The following ABI2 variants were observed in gnomAD, a reference collection of about 807,000 sequenced individuals.
ABI2 encodes abelson interactor 2.
In ABI2, 25 loss-of-function variants were observed where a neutral mutation model predicts 59.2. The observed-to-expected ratio is 0.42, with a 90% confidence interval of 0.31 to 0.59. The LOEUF (loss-of-function observed/expected upper bound fraction) is 0.59, where lower values mean the gene tolerates loss of function less well. Among genes scored for constraint, ABI2 ranks in the 20% least tolerant of loss-of-function variants. The pLI is 0.14. For missense variants in ABI2, 545 were observed against 681.8 expected, an observed-to-expected ratio of 0.80 and a Z score of 2.23; for synonymous variants, 213 against 235.5, an observed-to-expected ratio of 0.90 and a Z score of 0.87.
chr2:203,427,181 G>A lies in ABI2; in HGVS notation c.1458G>A (p.Val486=). ...WAPRSYLEKV[V]AIYDYTKDKE... is the part of the protein sequence containing the mutation. ...TTTTGTTTTCTTCCCTCCTAGTTGT[G>A]GCAATTTATGACTATACAAAAGACA... The change falls in exon 12 of 12, where the codon GTG becomes GTA. Residue 486 remains valine (V), a synonymous_variant. Coordinates refer to ENST00000261018, the MANE Select transcript of ABI2 (RefSeq NM_001375670.1). The A allele has an allele frequency of 6.2e-7, 1 of 1,612,978 alleles. No homozygotes were observed. Among genetic ancestry groups the A allele is most frequent in the Non-Finnish European group, 8.5e-7 (1 of 1,179,420 alleles).
intron 4 of ABI2, among the ~76,000 whole-genome samples, chr2:203,388,542 G>GC (rs2096621230): frequency 6.6e-6 from 1 of 152,014 alleles, no homozygotes; most frequent in Non-Finnish European, 1.5e-5. Flanking sequence ...AAGTAGCTGG[G>GC]CGTGGTGGTG....
At chr2:203,383,316 G>A (rs963611999) in intron 4 of ABI2, 1 of 154,780 alleles carries the variant, frequency 6.5e-6, no homozygotes, top group Non-Finnish European at 1.5e-5. Context: ...CAAATCCTCA[G>A]TCATGGTGAG....
intron 11 of ABI2, among the ~76,000 whole-genome samples, chr2:203,426,079 C>T (rs1387742520): frequency 6.6e-6 from 1 of 150,500 alleles, no homozygotes; most frequent in African/African-American, 2.4e-5. Context: ...AAAATATTCA[C>T]AATTTAAGGA....
chr2:203,429,306 A>G lies in ABI2; in HGVS notation c.*1954A>G, dbSNP rs2098464362. The G allele has an allele frequency of 1.3e-5, 2 of 152,230 alleles. No individual in the cohort carries two copies. Among genetic ancestry groups the G allele is most frequent in the Non-Finnish European group, 2.9e-5 (2 of 68,050 alleles). 9.4% of individuals were successfully genotyped at this position (152,230 alleles called of 1,614,324 possible). The stretch of plus-strand genomic sequence containing the variant: ...AGCCTTCAGCTCCATTATGGACCCA[A>G]ACTAGACTATACTTGGATAAGTTAA... On this transcript the variant is annotated 3_prime_UTR_variant, in exon 12 of 12. Coordinates refer to ENST00000261018, the MANE Select transcript of ABI2 (RefSeq NM_001375670.1).
Position 203,392,305 on chromosome 2 carries a change from CCACCACCACCAACAACAA to C in ABI2, c.578+1165_578+1182del, listed in dbSNP as rs1345258128. On this transcript the variant is annotated intron_variant, in intron 5 of 11. Coordinates refer to ENST00000261018, the MANE Select transcript of ABI2 (RefSeq NM_001375670.1). ...ACCACCACCACCACCACCACCACCA[CCACCACCACCAACAACAA>C]CAACAACAACAACAACAACAAAACA... Among the ~76,000 whole-genome samples, 37 of 97,892 alleles carry C rather than the reference CCACCACCACCAACAACAA, an allele frequency of 3.8e-4. 1 individual carries two copies. Among genetic ancestry groups the C allele is most frequent in the Non-Finnish European group, 5.9e-4 (26 of 44,308 alleles). 64.2% of individuals were successfully genotyped at this position (97,892 alleles called of 152,430 possible).
Position 203,402,666 on chromosome 2 carries a change from C to T in ABI2, c.1124C>T (p.Pro375Leu). 2 of 1,606,350 alleles carry T rather than the reference C, an allele frequency of 1.2e-6. No homozygotes were observed. The highest frequency in any genetic ancestry group is 1.1e-5 in the South Asian group (1 of 88,976). The stretch of plus-strand genomic sequence containing the variant: ...GGCTCGTTGCCCTATAGACGCCCTC[C>T]TTCCATTACTTCACAAACAAGCCTT... ...IGGSLPYRRP[P>L]SITSQTSLQN... Residue 375 changes from proline to leucine, a missense_variant, in exon 9 of 12, where the codon CCT (proline) becomes CTT (leucine). Around this residue, in one of 4 missense-constraint regions of ABI2, gnomAD observed 410 missense variants for 435.6 expected, o/e 0.94. Transcript: ENST00000261018.
intron 2 of ABI2, among the ~76,000 whole-genome samples, chr2:203,372,032 A>G (rs1391561602): frequency 6.6e-6 from 1 of 152,014 alleles, no homozygotes; most frequent in East Asian, 1.9e-4. Flanking sequence ...CAGATAAACA[A>G]GTGAACAAAG....
chr2:203,346,535 G>T (rs75098343), intron 1 of ABI2, among the ~76,000 whole-genome samples: 1 of 151,998 alleles, frequency 6.6e-6, no homozygotes, highest in Admixed American at 6.5e-5. Flanking sequence ...GGAGTTGCAC[G>T]TTTTCCCTTG....
At chr2:203,408,833 C>CTTTCTTTTTTT (rs1259310860) in intron 9 of ABI2, among the ~76,000 whole-genome samples, 1 of 87,204 alleles carries the variant, frequency 1.1e-5, no homozygotes, top group African/African-American at 3.7e-5. Context: ...CTTCTCCTTT[C>CTTTCTTTTTTT]TTTTTTTTTT....
Position 203,427,428 on chromosome 2 carries a change from C to A in ABI2, c.*76C>A. 1 of 1,309,376 alleles carries A rather than the reference C, an allele frequency of 7.6e-7. No individual in the cohort carries two copies. Among genetic ancestry groups the A allele is most frequent in the Non-Finnish European group, 1.0e-6 (1 of 952,558 alleles). The allele number at this position is 1,309,376 out of a possible 1,614,324, so 81.1% of individuals were successfully genotyped here. On this transcript the variant is annotated 3_prime_UTR_variant, in exon 12 of 12. Transcript: ENST00000261018. ...TTATCTGAAGGCCCTGGGGATTCCA[C>A]TCCAGTAAAGTAGAATGAAGGATAC...
chr2:203,360,254 A>G (rs1386347469), intron 1 of ABI2, among the ~76,000 whole-genome samples: 1 of 151,428 alleles, frequency 6.6e-6, no homozygotes, highest in Non-Finnish European at 1.5e-5. Flanking sequence ...AATGTGGTCT[A>G]TTTTATTTTA....
intron 4 of ABI2, among the ~76,000 whole-genome samples, chr2:203,388,944 A>G (rs557416178): frequency 6.6e-5 from 10 of 152,120 alleles, no homozygotes; most frequent in African/African-American, 2.2e-4. Flanking sequence ...CAGCAAATTG[A>G]TGTAGTTTTA....
intron 4 of ABI2, among the ~76,000 whole-genome samples, chr2:203,383,559 A>T (rs2096269596): frequency 1.3e-5 from 2 of 152,208 alleles, no homozygotes; most frequent in South Asian, 4.1e-4. Flanking sequence ...AGCTTGCCCA[A>T]GCTACTATCT....
In ABI2 at chr2:203,328,456, G is replaced by T. The variant is rs978929542; in HGVS notation, c.-59G>T. On this transcript the variant is annotated 5_prime_UTR_variant, in exon 1 of 12. Transcript: ENST00000261018. Reference sequence around the variant, plus strand: ...TCTCCCGGTCCTGGGTTTCCTTGGCGCTGCGGCCGCCGCTCCCTCTGCGAC... The same window carrying T: ...TCTCCCGGTCCTGGGTTTCCTTGGCTCTGCGGCCGCCGCTCCCTCTGCGAC... 2.1e-6 allele frequency: 3 copies of T among 1,409,194 alleles called. No individual in the cohort carries two copies. The highest frequency in any genetic ancestry group is 1.9e-6 in the Non-Finnish European group (2 of 1,026,140). The allele number at this position is 1,409,194 out of a possible 1,614,324, so 87.3% of individuals were successfully genotyped here.
intron 1 of ABI2, among the ~76,000 whole-genome samples, chr2:203,355,868 C>T (rs1156285612): frequency 1.3e-5 from 2 of 150,106 alleles, no homozygotes; most frequent in Non-Finnish European, 1.5e-5. Context: ...ACCAAGAAAC[C>T]CCTGGTGTGC....
intron 8 of ABI2, among the ~76,000 whole-genome samples, chr2:203,399,820 A>G (rs903866151): frequency 1.3e-5 from 2 of 152,112 alleles, no homozygotes; most frequent in African/African-American, 4.8e-5. Flanking sequence ...CAGCCTGTTC[A>G]TTTATTTTTT....
chr2:203,345,996 A>G (rs147588584), intron 1 of ABI2, among the ~76,000 whole-genome samples: 45 of 151,932 alleles, frequency 3.0e-4, no homozygotes, highest in African/African-American at 1.0e-3. Flanking sequence ...CCAGGACAAC[A>G]TGGTGAAACC....
At chr2:203,383,443 T>G (rs934447964) in intron 4 of ABI2, 6 of 153,950 alleles carry the variant, frequency 3.9e-5, no homozygotes, top group Non-Finnish European at 8.8e-5. Context: ...GTATTCAAAT[T>G]TTGACCATTG....
chr2:203,372,469 C>T (rs1438216991), intron 2 of ABI2, among the ~76,000 whole-genome samples: 7 of 152,090 alleles, frequency 4.6e-5, no homozygotes, highest in Admixed American at 6.5e-5. Flanking sequence ...GGGTGGTGGC[C>T]GGGCAGAGGG....
Sources: allele counts gnomAD v4.1 joint callset (sites outside exome capture counted in the v4.1 genomes callset), GRCh38; gene constraint gnomAD v4.1.1; regional missense constraint gnomAD v4.1.1; transcripts MANE v1.5; gene names NCBI Gene and HGNC (gene_info 2026-07-23, HGNC 2026-07-21).